Variants in RNF217 observed in about 807,000 individuals in gnomAD.
RNF217 encodes the protein E3 ubiquitin-protein ligase RNF217.
In RNF217, 31 loss-of-function variants were observed where a neutral mutation model predicts 57.8. That is an observed-to-expected ratio of 0.54 (90% CI 0.40 to 0.72). RNF217 has a LOEUF of 0.72. Among genes scored for constraint, RNF217 ranks in the 30% least tolerant of loss-of-function variants. The pLI is 0.00. For synonymous variants in RNF217, 313 were observed against 294.0 expected (o/e 1.06, Z -0.66); for missense variants, 696 against 708.3 (o/e 0.98, Z 0.20).
intron 1 of RNF217, among the ~76,000 whole-genome samples, chr6:124,982,705 A>C (rs1371371947): frequency 1.3e-5 from 2 of 152,138 alleles, no homozygotes; most frequent in Non-Finnish European, 2.9e-5. Context: ...TTATGTGCCT[A>C]CCCTCTAAAG....
Position 124,962,806 on chromosome 6 carries a change from G to T in RNF217, c.262G>T (p.Ala88Ser), listed in dbSNP as rs746656377. 3.3e-5 allele frequency: 53 copies of T among 1,597,502 alleles called. No individual in the cohort carries two copies. In the South Asian group the frequency reaches 5.3e-4, roughly 16 times the overall value. ...WSKSRAPAQP[A>S]GLALTGPLNP... The stretch of plus-strand genomic sequence containing the variant: ...TAAGAGCCGAGCACCGGCGCAGCCT[G>T]CGGGACTGGCACTCACCGGGCCTCT... The change falls in exon 1 of 6, where the codon GCG becomes TCG. Residue 88 changes from alanine to serine, a missense_variant. Physicochemically the swap from Ala to Ser is moderately conservative, Grantham distance 99. Transcript: ENST00000521654. This position sits in a 1 kb window ranked among gnomAD's most constrained non-coding sequence, Gnocchi z 4.6.
At chr6:124,987,333 A>G (rs546431626) in intron 1 of RNF217, among the ~76,000 whole-genome samples, 7 of 152,262 alleles carry the variant, frequency 4.6e-5, no homozygotes, top group African/African-American at 1.7e-4. Flanking sequence ...AACTTTTTTT[A>G]TTCCCCCTAA....
At chr6:125,005,565 A>G in intron 1 of RNF217, among the ~76,000 whole-genome samples, 1 of 152,226 alleles carries the variant, frequency 6.6e-6, no homozygotes, top group East Asian at 1.9e-4. Flanking sequence ...GAAGCTTCCT[A>G]TAACAGCTCT....
chr6:125,059,623 T>C (rs79533736), intron 3 of RNF217, among the ~76,000 whole-genome samples: 3,309 of 152,314 alleles, frequency 0.022, 120 homozygotes, highest in African/African-American at 0.075. Context: ...GGGGAAATTC[T>C]GAATAAACTG....
chr6:125,056,580 TA>T (rs747915741), intron 2 of RNF217, among the ~76,000 whole-genome samples: 5 of 152,204 alleles, frequency 3.3e-5, no homozygotes, highest in African/African-American at 2.4e-5. Context: ...GCTGTGATTG[TA>T]ATTGCCACTC....
Position 125,010,729 on chromosome 6 carries a change from A to G in RNF217, c.883-34482A>G, listed in dbSNP as rs372179285. ...GGTACTTTTTTGCTTCTTTGTGCCT[A>G]CTACCCTATTACCCACAGGTTAAAC... On this transcript the variant is annotated intron_variant, in intron 1 of 5. Coordinates refer to ENST00000521654, the MANE Select transcript of RNF217 (RefSeq NM_001286398.3). Among the ~76,000 whole-genome samples, 10 of 152,278 alleles carry G rather than the reference A, an allele frequency of 6.6e-5. No individual in the cohort carries two copies. In the East Asian group the frequency reaches 9.6e-4, roughly 15 times the overall value.
chr6:125,030,867 T>A (rs544395721), intron 1 of RNF217, among the ~76,000 whole-genome samples: 1 of 152,096 alleles, frequency 6.6e-6, no homozygotes, highest in East Asian at 1.9e-4. Flanking sequence ...CTGTGTAGGG[T>A]CTCCGACCCC....
At chr6:124,994,819 G>A (rs1241810603) in intron 1 of RNF217, among the ~76,000 whole-genome samples, 4 of 152,144 alleles carry the variant, frequency 2.6e-5, no homozygotes, top group Admixed American at 2.0e-4. Context: ...CCTGTTACTT[G>A]AGCCTGAATT....
At chr6:125,030,528 G>T (rs1786309084) in intron 1 of RNF217, among the ~76,000 whole-genome samples, 1 of 152,128 alleles carries the variant, frequency 6.6e-6, no homozygotes, top group Non-Finnish European at 1.5e-5. Context: ...TGGCCAAAAG[G>T]CCAAAACAAA....
intron 1 of RNF217, among the ~76,000 whole-genome samples, chr6:124,984,846 G>A (rs905797297): frequency 4.6e-5 from 7 of 152,074 alleles, no homozygotes; most frequent in Admixed American, 4.6e-4. Flanking sequence ...AAGAATTCCT[G>A]CAGGGGGAAA....
chr6:124,977,598 T>C (rs545159877), intron 1 of RNF217, among the ~76,000 whole-genome samples: 1 of 152,322 alleles, frequency 6.6e-6, no homozygotes, highest in African/African-American at 2.4e-5. Context: ...TATTACAATC[T>C]AAATGGATTT....
chr6:125,081,732 C>T (rs564516), intron 5 of RNF217, among the ~76,000 whole-genome samples: 81,562 of 151,834 alleles, frequency 0.54, 22,635 homozygotes, highest in African/African-American at 0.66. Flanking sequence ...GATTCATGTA[C>T]CTTATAAAGC....
intron 1 of RNF217, among the ~76,000 whole-genome samples, chr6:125,016,464 T>C (rs989138582): frequency 3.3e-5 from 5 of 152,182 alleles, no homozygotes. Flanking sequence ...CATTCCATTA[T>C]TTTAGTCCAT....
chr6:125,032,232 G>A (rs1485368726), intron 1 of RNF217, among the ~76,000 whole-genome samples: 1 of 152,124 alleles, frequency 6.6e-6, no homozygotes, highest in African/African-American at 2.4e-5. Flanking sequence ...AGTAAAGAGG[G>A]TTAGGAGAAA....
chr6:125,075,090 G>A (rs1024420763), intron 3 of RNF217, among the ~76,000 whole-genome samples: 1 of 152,200 alleles, frequency 6.6e-6, no homozygotes, highest in Non-Finnish European at 1.5e-5. Context: ...GCCCAGGACA[G>A]CTTTGAATGC....
chr6:125,034,445 A>T (rs1786512258), intron 1 of RNF217, among the ~76,000 whole-genome samples: 2 of 152,156 alleles, frequency 1.3e-5, no homozygotes, highest in African/African-American at 4.8e-5. Context: ...CCATTTATTA[A>T]ATAGGGAATC....
At chr6:125,067,718 A>T (rs997848899) in intron 3 of RNF217, among the ~76,000 whole-genome samples, 1 of 152,190 alleles carries the variant, frequency 6.6e-6, no homozygotes, top group Non-Finnish European at 1.5e-5. Context: ...GGTATATCTG[A>T]CTAGCAAACA....
chr6:125,059,322 A>G (rs1414328334), intron 3 of RNF217, among the ~76,000 whole-genome samples: 2 of 152,164 alleles, frequency 1.3e-5, no homozygotes, highest in Non-Finnish European at 2.9e-5. Flanking sequence ...TTTTAGAGCT[A>G]TTTCAGATCA....
chr6:125,011,598 C>T (rs1422557882), intron 1 of RNF217, among the ~76,000 whole-genome samples: 1 of 152,124 alleles, frequency 6.6e-6, no homozygotes, highest in South Asian at 2.1e-4. Flanking sequence ...TGTCTGAAAG[C>T]ATCTACTGAC....
Sources: gnomAD v4.1 joint callset for allele counts (sites outside exome capture counted in the v4.1 genomes callset) on GRCh38, gnomAD v4.1.1 for gene constraint, Gnocchi (gnomAD v3.1) non-coding constraint, MANE v1.5 for transcripts, NCBI Gene and HGNC (gene_info 2026-07-23, HGNC 2026-07-21) for gene names.